Variants in SGIP1 observed in about 807,000 individuals in gnomAD.
SGIP1 encodes the protein SH3-containing GRB2-like protein 3-interacting protein 1.
In SGIP1, 38 loss-of-function variants were observed where a neutral mutation model predicts 107.5. That is an observed-to-expected ratio of 0.35 (90% confidence interval 0.27 to 0.46). The LOEUF (loss-of-function observed/expected upper bound fraction) is 0.46. SGIP1 is among the 20% of genes least tolerant of loss of function. The pLI, the probability that SGIP1 is intolerant of heterozygous loss-of-function variation, is 1.00. For synonymous variants in SGIP1, 365 were observed against 366.1 expected, an observed-to-expected ratio of 1.00 and a Z score of 0.03; for missense variants, 929 against 1,019.5, an observed-to-expected ratio of 0.91 and a Z score of 1.21.
intron 2 of SGIP1, among the ~76,000 whole-genome samples, chr1:66,631,948 T>C (rs1049924795): frequency 6.6e-6 from 1 of 152,186 alleles, no homozygotes; most frequent in Non-Finnish European, 1.5e-5. Flanking sequence ...GGTTATAAAA[T>C]TACTGTGGCT....
intron 2 of SGIP1, among the ~76,000 whole-genome samples, chr1:66,631,044 G>GAAAGA (rs2074464662): frequency 5.8e-5 from 6 of 102,624 alleles, no homozygotes; most frequent in South Asian, 4.2e-4. Context: ...AGGAAGAAAG[G>GAAAGA]AAGAAAGAAA....
At chr1:66,739,174 G>T (rs983466462) in intron 21 of SGIP1, among the ~76,000 whole-genome samples, 161 bp from the exon 22 acceptor site, 7 of 151,906 alleles carry the variant, frequency 4.6e-5, no homozygotes, top group African/African-American at 1.7e-4. Context: ...TTTTTAGTCT[G>T]TAACAGTTTA....
At chr1:66,663,147 G>A (rs1333442885) in intron 8 of SGIP1, among the ~76,000 whole-genome samples, 2 of 152,088 alleles carry the variant, frequency 1.3e-5, no homozygotes, top group Non-Finnish European at 1.5e-5. Flanking sequence ...TGGCGCACAT[G>A]GGGTGCACTG....
chr1:66,570,751 C>T (rs2148595596), intron 1 of SGIP1, among the ~76,000 whole-genome samples: 1 of 152,038 alleles, frequency 6.6e-6, no homozygotes, highest in South Asian at 2.1e-4. Flanking sequence ...TCATCACTTG[C>T]TCACCCACCA....
chr1:66,676,367 A>G (rs2085328892), intron 12 of SGIP1, among the ~76,000 whole-genome samples: 1 of 152,208 alleles, frequency 6.6e-6, no homozygotes, highest in African/African-American at 2.4e-5. Context: ...AATAATCAGA[A>G]CAGGAAGCAA....
intron 1 of SGIP1, among the ~76,000 whole-genome samples, chr1:66,601,558 A>G (rs2065838958): frequency 1.3e-5 from 2 of 152,116 alleles, no homozygotes. Flanking sequence ...AGAGAAAAGA[A>G]TAGAATAGAA....
chr1:66,734,858 G>GT (rs1359099529), intron 21 of SGIP1, among the ~76,000 whole-genome samples: 3 of 152,006 alleles, frequency 2.0e-5, no homozygotes, highest in African/African-American at 7.2e-5. Context: ...AGGTACAATT[G>GT]TATGTCTGTA....
At chr1:66,660,794 A>G (rs2081313131) in intron 8 of SGIP1, among the ~76,000 whole-genome samples, 1 of 152,194 alleles carries the variant, frequency 6.6e-6, no homozygotes, top group Non-Finnish European at 1.5e-5. Flanking sequence ...ACACGATCAA[A>G]TATTTTTGGT....
At chr1:66,695,310 T>C in intron 17 of SGIP1, 124 bp from the exon 18 acceptor site, 1 of 1,536,998 alleles carries the variant, frequency 6.5e-7, no homozygotes, top group Non-Finnish European at 8.8e-7. Context: ...TGCACGCTAA[T>C]GGCATGTAGT....
At position 66,626,953 on chromosome 1, in the gene SGIP1, A is replaced by C. The variant is rs189563010; in HGVS notation, c.74+1043A>C. Among the ~76,000 whole-genome samples the C allele has an allele frequency of 1.4e-3, 209 of 152,226 alleles. 1 individual carries two copies. Among genetic ancestry groups the C allele is most frequent in the African/African-American group, 5.0e-3 (206 of 41,536 alleles). On this transcript the variant is annotated intron_variant, in intron 2 of 24. Coordinates refer to ENST00000371037, the MANE Select transcript of SGIP1 (RefSeq NM_032291.4). The stretch of plus-strand genomic sequence containing the variant: ...TTCTGTATATTTTTATCATGCGTAA[A>C]TTTTGTCACAAGATCCTGAGTATTT...
intron 19 of SGIP1, among the ~76,000 whole-genome samples, chr1:66,723,933 G>A (rs559821923): frequency 6.6e-6 from 1 of 152,234 alleles, no homozygotes; most frequent in Admixed American, 6.5e-5. Context: ...ACCAAGGAAG[G>A]CTAAATGGAG....
At chr1:66,706,243 C>T (rs185013348) in intron 18 of SGIP1, among the ~76,000 whole-genome samples, 60 of 149,096 alleles carry the variant, frequency 4.0e-4, no homozygotes, top group Non-Finnish European at 1.3e-4. Context: ...GGTCACTCAT[C>T]TTTATTACCT....
chr1:66,541,981 T>C (rs1402715049), intron 1 of SGIP1, among the ~76,000 whole-genome samples: 1 of 152,146 alleles, frequency 6.6e-6, no homozygotes, highest in Non-Finnish European at 1.5e-5. Context: ...TCGTGCAATG[T>C]CTCTGTGTGG....
At chr1:66,681,301 A>G (rs1013785284) in intron 14 of SGIP1, among the ~76,000 whole-genome samples, 5 of 152,172 alleles carry the variant, frequency 3.3e-5, no homozygotes, top group African/African-American at 1.2e-4. Flanking sequence ...GGTTGAGGAT[A>G]TACAGCTAAA....
chr1:66,633,408 A>G lies in SGIP1; in HGVS notation c.99+314A>G, dbSNP rs181026994. 1.2e-3 allele frequency among the ~76,000 whole-genome samples: 174 copies of G among 148,506 alleles called. 1 individual carries two copies. The highest frequency in any genetic ancestry group is 2.0e-3 in the Non-Finnish European group (135 of 67,988). On this transcript the variant is annotated intron_variant, in intron 3 of 24. Coordinates refer to ENST00000371037, the MANE Select transcript of SGIP1 (RefSeq NM_032291.4). ...TATTTCATTTCCAATTTAATGATGT[A>G]AAAGCTCATTATGGGAGAATGTTTT...
intron 21 of SGIP1, among the ~76,000 whole-genome samples, chr1:66,736,340 G>A (rs1214419063): frequency 2.1e-5 from 3 of 144,950 alleles, no homozygotes; most frequent in Non-Finnish European, 4.5e-5. Context: ...AATATAATAC[G>A]ATATATTATA....
intron 1 of SGIP1, among the ~76,000 whole-genome samples, chr1:66,595,814 G>T (rs1433287418): frequency 1.3e-5 from 2 of 152,282 alleles, no homozygotes; most frequent in East Asian, 3.9e-4. Flanking sequence ...TTGAAAAGGC[G>T]AATCTCAAAA....
chr1:66,608,111 C>T (rs1046732700), intron 1 of SGIP1, among the ~76,000 whole-genome samples: 3 of 152,206 alleles, frequency 2.0e-5, no homozygotes, highest in African/African-American at 4.8e-5. Context: ...GACCCAGGCT[C>T]ATCACTATCT....
At chr1:66,571,553 T>C (rs2060382905) in intron 1 of SGIP1, among the ~76,000 whole-genome samples, 1 of 151,980 alleles carries the variant, frequency 6.6e-6, no homozygotes. Context: ...TCTTGATAAT[T>C]GAGTGTTTGA....
Sources: allele counts gnomAD v4.1 joint callset (sites outside exome capture counted in the v4.1 genomes callset), GRCh38; gene constraint gnomAD v4.1.1; transcripts MANE v1.5; gene names NCBI Gene and HGNC (gene_info 2026-07-23, HGNC 2026-07-21).